GPSM1: variants seen among roughly 807,000 people sequenced by gnomAD.
GPSM1 encodes the protein G protein signaling modulator 1.
In GPSM1, 48 loss-of-function variants were observed where a neutral mutation model predicts 70.5. The ratio of observed to expected loss-of-function variants is 0.68; its 90% CI spans 0.54 to 0.87. GPSM1 has a LOEUF of 0.87. GPSM1 is among the 40% of genes least tolerant of loss of function. The probability of loss-of-function intolerance (pLI) is 0.00; values close to 1 mark genes in which losing one functional copy is unlikely to be tolerated. For missense variants in GPSM1, 981 were observed against 972.6 expected (o/e 1.01, Z -0.11); for synonymous variants, 416 against 430.1 (o/e 0.97, Z 0.41).
At chr9:136,332,842 A>T (rs1832135225) in intron 1 of GPSM1, among the ~76,000 whole-genome samples, 3 of 80,128 alleles carry the variant, frequency 3.7e-5, no homozygotes, top group Non-Finnish European at 1.0e-4. Context: ...TCTCTACCAA[A>T]AAAAAAAAAA....
At chr9:136,330,412 C>G (rs2131390435) in intron 1 of GPSM1, among the ~76,000 whole-genome samples, 1 of 152,266 alleles carries the variant, frequency 6.6e-6, no homozygotes, top group East Asian at 1.9e-4. Flanking sequence ...GGGCACCATC[C>G]CTGGTGGGTC....
rs201431536 is a variant in GPSM1 at position 136,356,583 on chromosome 9, G to A, written c.1821+33G>A. The A allele has an allele frequency of 1.3e-3, 1,924 of 1,530,908 alleles. 8 individuals are homozygous for A. The highest frequency in any genetic ancestry group is 0.011 in the African/African-American group (784 of 73,264). 94.8% of individuals were successfully genotyped at this position (1,530,908 alleles called of 1,614,324 possible). ...GCGGCCCTGGGCGGGCGTGGCTCGCGGCCCCTTTGCCATCCACGTGTGTGG... is the reference window on the plus strand; with the variant it reads ...GCGGCCCTGGGCGGGCGTGGCTCGCAGCCCCTTTGCCATCCACGTGTGTGG... On this transcript the variant is annotated intron_variant, in intron 13 of 13. Transcript: ENST00000440944.
intron 1 of GPSM1, 71 bp from the exon 2 acceptor site, chr9:136,334,376 G>C: frequency 8.8e-7 from 1 of 1,137,332 alleles, no homozygotes; most frequent in Non-Finnish European, 1.3e-6. Flanking sequence ...CTGTAGTGAA[G>C]CCACGGAGGT....
chr9:136,330,848 C>T (rs1162938892), intron 1 of GPSM1, among the ~76,000 whole-genome samples: 1 of 152,182 alleles, frequency 6.6e-6, no homozygotes, highest in Non-Finnish European at 1.5e-5. Context: ...AGGGTTCAGT[C>T]TGTTGACGAG....
intron 11 of GPSM1, chr9:136,354,820 T>G: frequency 1.0e-6 from 1 of 994,080 alleles, no homozygotes; most frequent in African/African-American, 1.7e-5. Context: ...GTGTAGGGCA[T>G]GGACACAGGG....
chr9:136,358,285 C>A lies in GPSM1; in HGVS notation c.*65C>A. Reference sequence around the variant, plus strand: ...CTGGACGCCGGTCTCACAGTCACAGCCACGTCCTCCCGAGGCCATTGCCGA... The same window carrying A: ...CTGGACGCCGGTCTCACAGTCACAGACACGTCCTCCCGAGGCCATTGCCGA... On this transcript the variant is annotated 3_prime_UTR_variant, in exon 14 of 14. Transcript: ENST00000440944. 1 of 1,357,974 alleles carries A rather than the reference C, an allele frequency of 7.4e-7. No homozygotes were observed. The highest frequency in any genetic ancestry group is 1.0e-6 in the Non-Finnish European group (1 of 991,118). 84.1% of individuals were successfully genotyped at this position (1,357,974 alleles called of 1,614,324 possible).
chr9:136,356,760 G>A (rs1257897264), intron 13 of GPSM1, among the ~76,000 whole-genome samples: 2 of 152,162 alleles, frequency 1.3e-5, no homozygotes, highest in Non-Finnish European at 1.5e-5. Flanking sequence ...GGCTGCTGGA[G>A]ACACCAGAGA....
At chr9:136,336,391 C>G (rs549156536) in intron 3 of GPSM1, among the ~76,000 whole-genome samples, 1 of 152,302 alleles carries the variant, frequency 6.6e-6, no homozygotes, top group East Asian at 1.9e-4. Context: ...TCACTCACTC[C>G]CTGGGGGGCC....
At chr9:136,349,047 G>C (rs1398146812) in intron 10 of GPSM1, among the ~76,000 whole-genome samples, 1 of 152,232 alleles carries the variant, frequency 6.6e-6, no homozygotes, top group Non-Finnish European at 1.5e-5. Context: ...GGAGCCCACA[G>C]ACAGGGGCAC....
intron 4 of GPSM1, 116 bp from the exon 5 acceptor site, chr9:136,337,325 C>T: frequency 6.9e-7 from 1 of 1,455,996 alleles, no homozygotes; most frequent in Non-Finnish European, 9.2e-7. Context: ...CCTAGCCACC[C>T]TCTTTCCAGG....
chr9:136,355,733 A>C lies in GPSM1; in HGVS notation c.1499A>C (p.Asp500Ala), dbSNP rs782112002. ...APSSDEECFF[D>A]LLTKFQSSRM... ...TCTTCGGACGAGGAGTGCTTCTTTG[A>C]CCTGTTGACCAAGTTCCAGAGCAGC... The change falls in exon 12 of 14, where the codon GAC becomes GCC. Residue 500 changes from aspartate to alanine, a missense_variant. By Grantham distance (126) the Asp-to-Ala change is moderately radical. Coordinates refer to ENST00000440944, the MANE Select transcript of GPSM1 (RefSeq NM_001145638.3). 6.2e-7 allele frequency: 1 copy of C among 1,612,262 alleles called. No homozygotes were observed. Among genetic ancestry groups the C allele is most frequent in the Non-Finnish European group, 8.5e-7 (1 of 1,179,516 alleles).
chr9:136,349,178 G>T (rs190379353), intron 10 of GPSM1, among the ~76,000 whole-genome samples: 1 of 152,262 alleles, frequency 6.6e-6, no homozygotes, highest in Non-Finnish European at 1.5e-5. Context: ...GCTGCCTGGC[G>T]TAGGGCCCTG....
At position 136,343,461 on chromosome 9, in the gene GPSM1, G is replaced by C. The variant is rs1011009638; in HGVS notation, c.1207+2468G>C. On this transcript the variant is annotated intron_variant, in intron 9 of 13. Transcript: ENST00000440944. The surrounding 1 kb of genome is among the most constrained non-coding windows in gnomAD (Gnocchi z 6.0). ...TCGGCCCTGCTGACCGTACTTCTCA[G>C]CCCTCCACCGTCTGGGCCCTGCTCA... is the stretch of plus-strand genomic sequence containing the variant. Among the ~76,000 whole-genome samples, 3 of 152,238 alleles carry C rather than the reference G, an allele frequency of 2.0e-5. No individual in the cohort carries two copies. The highest frequency in any genetic ancestry group is 7.2e-5 in the African/African-American group (3 of 41,458).
rs113569499 is a variant in GPSM1 at position 136,357,135 on chromosome 9, G to A, written c.1821+585G>A. On this transcript the variant is annotated intron_variant, in intron 13 of 13. Coordinates refer to ENST00000440944, the MANE Select transcript of GPSM1 (RefSeq NM_001145638.3). The stretch of plus-strand genomic sequence containing the variant: ...TGGGGGTGAGCCAGGTAGGGTGGCC[G>A]GAGTGGAGACTGCTGAGCCAACTGC... 5.0e-3 allele frequency among the ~76,000 whole-genome samples: 769 copies of A among 152,300 alleles called. 9 individuals carry two copies. Among genetic ancestry groups the A allele is most frequent in the African/African-American group, 0.017 (711 of 41,562 alleles).
intron 13 of GPSM1, 111 bp downstream of exon 13, chr9:136,356,661 TCATGTTTGAGG>T (rs1554773251): frequency 1.3e-6 from 1 of 777,472 alleles, no homozygotes; most frequent in Admixed American, 2.6e-5. Context: ...CCATCTCCGG[TCATGTTTGAGG>T]GACTCCTGGG....
chr9:136,346,332 C>T (rs567762487), intron 9 of GPSM1, among the ~76,000 whole-genome samples: 1 of 152,272 alleles, frequency 6.6e-6, no homozygotes, highest in African/African-American at 2.4e-5. Context: ...CAGCCTGGGC[C>T]CCCAAGTCCT....
rs1832400572 is a variant in GPSM1, at chr9:136,341,874, C to T, written c.1207+881C>T. 1 of 703,228 alleles carries T rather than the reference C, an allele frequency of 1.4e-6. No individual in the cohort carries two copies. The highest frequency in any genetic ancestry group is 1.9e-5 in the African/African-American group (1 of 51,750). 43.6% of individuals were successfully genotyped at this position (703,228 alleles called of 1,614,324 possible). ...CTATGTTGCCCAGGCCAGTGTCAAA[C>T]TCCCAGCCTCAAGCGATCCTCCCAT... On this transcript the variant is annotated intron_variant, in intron 9 of 13. Coordinates refer to ENST00000440944, the MANE Select transcript of GPSM1 (RefSeq NM_001145638.3). The surrounding 1 kb of genome is among the most constrained non-coding windows in gnomAD (Gnocchi z 6.7).
rs1261399398 is a variant in GPSM1, at chr9:136,342,572, G to A, written c.1207+1579G>A. On this transcript the variant is annotated intron_variant, in intron 9 of 13. Coordinates refer to ENST00000440944, the MANE Select transcript of GPSM1 (RefSeq NM_001145638.3). The surrounding 1 kb of genome is among the most constrained non-coding windows in gnomAD (Gnocchi z 5.5). Reference sequence around the variant, plus strand: ...GGGCCGCCGCCCGGCTGCCGCTGTGGGAGGCAGGCTGCACACCTAGAGCCT... The same window carrying A: ...GGGCCGCCGCCCGGCTGCCGCTGTGAGAGGCAGGCTGCACACCTAGAGCCT... Among the ~76,000 whole-genome samples, 3 of 152,236 alleles carry A rather than the reference G, an allele frequency of 2.0e-5. No homozygotes were observed. Among genetic ancestry groups the A allele is most frequent in the African/African-American group, 7.2e-5 (3 of 41,570 alleles).
chr9:136,329,884 C>T (rs1242828248), intron 1 of GPSM1, among the ~76,000 whole-genome samples: 3 of 125,386 alleles, frequency 2.4e-5, no homozygotes, highest in Admixed American at 8.2e-5. Context: ...GGTGCTGGGT[C>T]GGTGGGGACG....
Sources: gnomAD v4.1 joint callset for allele counts (sites outside exome capture counted in the v4.1 genomes callset) on GRCh38, gnomAD v4.1.1 for gene constraint, Gnocchi (gnomAD v3.1) non-coding constraint, MANE v1.5 for transcripts, NCBI Gene and HGNC (gene_info 2026-07-23, HGNC 2026-07-21) for gene names.